Variants in RUFY2 observed in about 807,000 individuals in gnomAD.
The protein encoded by RUFY2 is RUN and FYVE domain containing 2.
A neutral mutation model predicts 94.4 loss-of-function variants in RUFY2; 49 were observed. The ratio of observed to expected loss-of-function variants is 0.52; its 90% confidence interval spans 0.41 to 0.66. The LOEUF (loss-of-function observed/expected upper bound fraction) is 0.66, where lower values mean the gene tolerates loss of function less well. RUFY2 is among the 30% of genes least tolerant of loss of function. The probability of loss-of-function intolerance (pLI) is 0.00; values close to 1 mark genes in which losing one functional copy is unlikely to be tolerated. For synonymous variants in RUFY2, 255 were observed against 235.7 expected, an observed-to-expected ratio of 1.08 and a Z score of -0.75; for missense variants, 541 against 692.8, an observed-to-expected ratio of 0.78 and a Z score of 2.46.
rs772961334 is a variant in RUFY2 at position 68,384,029 on chromosome 10, C to T, written c.822+22G>A. On this transcript the variant is annotated intron_variant, in intron 9 of 17. Coordinates refer to ENST00000602465, the MANE Select transcript of RUFY2 (RefSeq NM_001330103.2). ...GTAATTTCTGACACGAGATTGTCTG[C>T]TTGAAAGCAGTCTATACTTACCTCT... 8 of 1,600,808 alleles carry T rather than the reference C, an allele frequency of 5.0e-6. No individual in the cohort carries two copies. The South Asian group carries it at 7.8e-5, about 16-fold the overall frequency.
In RUFY2 at chr10:68,345,639, T is replaced by C. The variant is rs903406913; in HGVS notation, c.*129A>G. 6 of 705,028 alleles carry C rather than the reference T, an allele frequency of 8.5e-6. No homozygotes were observed. In the African/African-American group the frequency reaches 9.0e-5, roughly 11 times the overall value. 43.7% of individuals were successfully genotyped at this position (705,028 alleles called of 1,614,324 possible). A position where few individuals can be genotyped will look rare whatever the true frequency, so the allele number is the denominator to read the frequency against. ...ACTTGTAATTTCCATGAGCTGAATA[T>C]GTAGAAGATAAACTGGTACCAAATA... On this transcript the variant is annotated 3_prime_UTR_variant, in exon 18 of 18. Transcript: ENST00000602465.
chr10:68,343,267 A>G (rs1254331044), downstream of RUFY2: 1 of 152,242 alleles, frequency 6.6e-6, no homozygotes, highest in African/African-American at 2.4e-5. Context: ...GTGGTACTAC[A>G]TACGATGTCT....
In RUFY2 at chr10:68,355,639, G is replaced by GT. The variant is rs2046991595; in HGVS notation, c.1551-239dup. The GT allele has an allele frequency of 1.9e-5, 6 of 315,410 alleles. No individual in the cohort carries two copies. The South Asian group carries it at 1.9e-4, about 10-fold the overall frequency. The allele number at this position is 315,410 out of a possible 1,614,324, so 19.5% of individuals were successfully genotyped here. ...AAGAAATATTGGCATTTTCGGCTGG[G>GT]TGCGGTGGCTCATGCCTGTAATCCC... On this transcript the variant is annotated intron_variant, in intron 15 of 17. Transcript: ENST00000602465.
intron 13 of RUFY2, among the ~76,000 whole-genome samples, chr10:68,365,736 C>T (rs2047761207): frequency 1.3e-5 from 2 of 152,160 alleles, no homozygotes; most frequent in South Asian, 4.1e-4. Flanking sequence ...CTCTTCATAT[C>T]AAGTAGCCTA....
intron 16 of RUFY2, among the ~76,000 whole-genome samples, chr10:68,352,879 C>A (rs1367086293): frequency 1.3e-5 from 2 of 151,140 alleles, no homozygotes; most frequent in African/African-American, 4.9e-5. Flanking sequence ...AAGATCGTGC[C>A]ACTACACTTC....
intron 1 of RUFY2, among the ~76,000 whole-genome samples, chr10:68,405,184 G>A (rs544766223): frequency 9.2e-5 from 14 of 152,016 alleles, no homozygotes; most frequent in African/African-American, 2.9e-4. Context: ...ATGGTGGTGC[G>A]CGGCTGTAGT....
chr10:68,376,926 C>T lies in RUFY2; in HGVS notation c.1252G>A (p.Glu418Lys), dbSNP rs777113249. The T allele has an allele frequency of 6.2e-7, 1 of 1,613,712 alleles. No homozygotes were observed. Among genetic ancestry groups the T allele is most frequent in the Non-Finnish European group, 8.5e-7 (1 of 1,179,846 alleles). Residue 418 changes from glutamate (E) to lysine (K), a missense_variant, in exon 13 of 18, where the codon GAG becomes AAG. This residue lies in a region of RUFY2 where 403 missense variants were observed against 480.7 expected (regional missense o/e 0.84). Transcript: ENST00000602465. ...CTGAGACATTCTTGTAGATATTTCT[C>T]ATCCTCATCTTCAGCTTCCATTTGC... ...KAQMEAEDED[E>K]KYLQECLSKS... is the part of the protein sequence containing the mutation.
At chr10:68,346,347 T>A (rs1311265993) in intron 16 of RUFY2, 4 of 345,556 alleles carry the variant, frequency 1.2e-5, no homozygotes, top group Admixed American at 9.3e-5. Context: ...TTCCAGCTAC[T>A]TGGGAGGCTG....
In RUFY2 at chr10:68,394,560, A is replaced by T. The variant is rs960659846; in HGVS notation, c.399-109T>A. The T allele has an allele frequency of 3.2e-4, 235 of 723,748 alleles. 1 individual carries two copies. Among genetic ancestry groups the T allele is most frequent in the Non-Finnish European group, 3.8e-4 (164 of 435,722 alleles). The allele number at this position is 723,748 out of a possible 1,614,324, so 44.8% of individuals were successfully genotyped here. ...CTTCTACCTTACAGAAATGGAAGCC[A>T]TCTCAGTTAGGTGCCTTCAAATTAG... On this transcript the variant is annotated intron_variant, in intron 4 of 17. Transcript: ENST00000602465.
chr10:68,373,244 A>G (rs2048398457), intron 13 of RUFY2, among the ~76,000 whole-genome samples: 1 of 152,208 alleles, frequency 6.6e-6, no homozygotes, highest in South Asian at 2.1e-4. Context: ...CCAAAAATCT[A>G]TACCAAGAGA....
rs1339296402 is a variant in RUFY2, at chr10:68,346,004, T to C, written c.1677+3A>G. The C allele has an allele frequency of 3.1e-6, 5 of 1,613,382 alleles. No homozygotes were observed. Among genetic ancestry groups the C allele is most frequent in the African/African-American group, 1.3e-5 (1 of 74,904 alleles). ...TTTTGGACTCACTTCTTATCTCCCT[T>C]ACCTTTCTCTTAGAGAGTGAGAATT... On this transcript the variant is annotated splice_donor_region_variant and intron_variant, in intron 17 of 17. Coordinates refer to ENST00000602465, the MANE Select transcript of RUFY2 (RefSeq NM_001330103.2).
At chr10:68,359,662 T>C (rs1473461873) in intron 15 of RUFY2, among the ~76,000 whole-genome samples, 2 of 147,688 alleles carry the variant, frequency 1.4e-5, no homozygotes, top group Non-Finnish European at 3.0e-5. Context: ...TAAAAATATA[T>C]ATAGTAGTAG....
chr10:68,347,033 C>T (rs947896604), intron 16 of RUFY2, among the ~76,000 whole-genome samples: 3 of 151,950 alleles, frequency 2.0e-5, no homozygotes, highest in East Asian at 1.9e-4. Flanking sequence ...AAGGGAGAAT[C>T]GCTTAAGCCC....
At chr10:68,396,915 C>T (rs757789282) in intron 3 of RUFY2, 34 bp from the exon 4 acceptor site, 13 of 1,427,882 alleles carry the variant, frequency 9.1e-6, no homozygotes, top group Non-Finnish European at 2.0e-6. Flanking sequence ...AGAAAACAGC[C>T]CTAGCCCAAA....
At chr10:68,406,886 A>C (rs1259451840) in intron 1 of RUFY2, 1 of 1,592,694 alleles carries the variant, frequency 6.3e-7, no homozygotes, top group Non-Finnish European at 8.5e-7. Context: ...CTGCTCCCCG[A>C]CCCGGGAGTG....
At position 68,376,440 on chromosome 10, in the gene RUFY2, GTGTATATATATATATATATATATATA is replaced by G. The variant is rs1393303771; in HGVS notation, c.1325+387_1325+412del. ...GTGAAACTTCATCTCAAAAAAATGT[GTGTATATATATATATATATATATATA>G]TATATATATATATATATATATATAT... is the stretch of plus-strand genomic sequence containing the variant. On this transcript the variant is annotated intron_variant, in intron 13 of 17. Coordinates refer to ENST00000602465, the MANE Select transcript of RUFY2 (RefSeq NM_001330103.2). Among the ~76,000 whole-genome samples, 28 of 48,266 alleles carry G rather than the reference GTGTATATATATATATATATATATATA, an allele frequency of 5.8e-4. No individual in the cohort carries two copies. In the East Asian group the frequency reaches 6.8e-3, roughly 12 times the overall value. The allele number at this position is 48,266 out of a possible 152,430, so 31.7% of individuals were successfully genotyped here. A position where few individuals can be genotyped will look rare whatever the true frequency, so the allele number is the denominator to read the frequency against.
intron 13 of RUFY2, among the ~76,000 whole-genome samples, chr10:68,367,309 G>A (rs1432144294): frequency 6.6e-6 from 1 of 152,154 alleles, no homozygotes; most frequent in African/African-American, 2.4e-5. Flanking sequence ...TATCCCAGTC[G>A]TGTTCTTCAT....
chr10:68,343,160 A>ATGT (rs1367450920), downstream of RUFY2: 2 of 152,224 alleles, frequency 1.3e-5, no homozygotes, highest in African/African-American at 4.8e-5. Flanking sequence ...TTTGCCAGAA[A>ATGT]TGTTATTAAT....
Position 68,363,692 on chromosome 10 carries a change from A to G in RUFY2, c.1456-8T>C. 1 of 1,493,942 alleles carries G rather than the reference A, an allele frequency of 6.7e-7. No individual in the cohort carries two copies. Among genetic ancestry groups the G allele is most frequent in the Middle Eastern group, 2.1e-4 (1 of 4,662 alleles). The allele number at this position is 1,493,942 out of a possible 1,614,324, so 92.5% of individuals were successfully genotyped here. On this transcript the variant is annotated splice_polypyrimidine_tract_variant and splice_region_variant and intron_variant, in intron 14 of 17. Transcript: ENST00000602465. ...CTGGAGGTTAAGGAACTCCTTCAGA[A>G]CAATAAAAGACAGAAAATGAAATTT... is the stretch of plus-strand genomic sequence containing the variant.
Sources: gnomAD v4.1 joint callset for allele counts (sites outside exome capture counted in the v4.1 genomes callset) on GRCh38, gnomAD v4.1.1 for gene constraint, gnomAD v4.1.1 regional missense constraint, MANE v1.5 for transcripts, NCBI Gene and HGNC (gene_info 2026-07-23, HGNC 2026-07-21) for gene names.